Variants in ERMARD observed in about 807,000 individuals in gnomAD.
ERMARD encodes ER membrane associated RNA degradation, also known as endoplasmic reticulum membrane-associated RNA degradation protein.
Under a neutral mutation model 83.9 loss-of-function variants are expected in ERMARD, and 71 were observed. That is an observed-to-expected ratio of 0.85 (90% confidence interval 0.70 to 1.03). ERMARD has a LOEUF of 1.03. Among genes scored for constraint, ERMARD ranks in the 50% least tolerant of loss-of-function variants. ERMARD has a pLI of 0.00. For missense variants in ERMARD, 838 were observed against 810.9 expected (o/e 1.03, Z -0.41); for synonymous variants, 284 against 298.6 (o/e 0.95, Z 0.50).
intron 5 of ERMARD, among the ~76,000 whole-genome samples, chr6:169,757,848 G>A (rs1173714108): frequency 2.0e-5 from 3 of 152,202 alleles, no homozygotes; most frequent in African/African-American, 7.2e-5. Context: ...AAGATAAAAA[G>A]TACAAACCTC....
intron 16 of ERMARD, 30 bp downstream of exon 16, chr6:169,776,703 G>A (rs747233657): frequency 3.1e-6 from 5 of 1,608,840 alleles, no homozygotes; most frequent in South Asian, 1.1e-5. Flanking sequence ...TTTTGGAGGG[G>A]CACTGTGGGG....
chr6:169,757,877 A>G (rs1791015089), intron 5 of ERMARD, among the ~76,000 whole-genome samples: 1 of 152,258 alleles, frequency 6.6e-6, no homozygotes, highest in Non-Finnish European at 1.5e-5. Context: ...CTGAATTCTC[A>G]AACACATTTT....
rs1263524338 is a variant in ERMARD, at chr6:169,762,455, T to C, written c.884T>C (p.Leu295Pro). The stretch of plus-strand genomic sequence containing the variant: ...TTTGCTGACTGCGCCATATTGTTGC[T>C]GACACAACTGGAGACTGGACTTAGG... The part of the protein sequence containing the change: ...HRFADCAILL[L>P]TQLETGLRNV... Residue 295 changes from leucine (L) to proline (P), a missense_variant, in exon 9 of 18, where the codon CTG (leucine) becomes CCG (proline). Coordinates refer to ENST00000366773, the MANE Select transcript of ERMARD (RefSeq NM_018341.3). The C allele has an allele frequency of 6.2e-7, 1 of 1,614,078 alleles. No individual in the cohort carries two copies. Among genetic ancestry groups the C allele is most frequent in the African/African-American group, 1.3e-5 (1 of 74,944 alleles).
chr6:169,759,765 A>G, intron 6 of ERMARD, 73 bp from the exon 7 acceptor site: 1 of 1,388,400 alleles, frequency 7.2e-7, no homozygotes, highest in Non-Finnish European at 1.0e-6. Context: ...TTAAATTTGT[A>G]TTTTTCACAG....
At chr6:169,770,807 TTC>T (rs1379462968) in intron 12 of ERMARD, 1 of 151,400 alleles carries the variant, frequency 6.6e-6, no homozygotes, top group Admixed American at 6.6e-5. Flanking sequence ...TTATTTTCAT[TTC>T]TTTTTTTATG....
rs921263592 is a variant in ERMARD at position 169,776,760 on chromosome 6, C to T, written c.1739+87C>T. 2.1e-6 allele frequency: 3 copies of T among 1,448,976 alleles called. No homozygotes were observed. The Admixed American group carries it at 5.7e-5, about 28-fold the overall frequency. 89.8% of individuals were successfully genotyped at this position (1,448,976 alleles called of 1,614,324 possible). A position where few individuals can be genotyped will look rare whatever the true frequency, so the allele number is the denominator to read the frequency against. ...GTTCTAGTCCTCACTTCCAGACACA[C>T]ACAGTAGCCCCTCACTGAACCCCAT... On this transcript the variant is annotated intron_variant, in intron 16 of 17. Coordinates refer to ENST00000366773, the MANE Select transcript of ERMARD (RefSeq NM_018341.3).
At chr6:169,773,808 A>AT (rs779537141) in intron 13 of ERMARD, among the ~76,000 whole-genome samples, 1 of 152,148 alleles carries the variant, frequency 6.6e-6, no homozygotes, top group Non-Finnish European at 1.5e-5. Flanking sequence ...GAGACAAACA[A>AT]TTTTTTAAGT....
chr6:169,763,086 G>A (rs1791758831), intron 9 of ERMARD, among the ~76,000 whole-genome samples: 1 of 152,146 alleles, frequency 6.6e-6, no homozygotes, highest in Non-Finnish European at 1.5e-5. Flanking sequence ...CGCCCTGTCT[G>A]AGGCAAGCGT....
chr6:169,767,973 C>A, intron 10 of ERMARD, 130 bp from the exon 11 acceptor site: 1 of 678,870 alleles, frequency 1.5e-6, no homozygotes, highest in Non-Finnish European at 2.6e-6. Flanking sequence ...ATTTTAAAGA[C>A]TGTCCATTTA....
At chr6:169,762,781 TTC>T (rs1429030475) in intron 9 of ERMARD, among the ~76,000 whole-genome samples, 1 of 152,218 alleles carries the variant, frequency 6.6e-6, no homozygotes, top group Non-Finnish European at 1.5e-5. Flanking sequence ...TAGGCACTGG[TTC>T]TCTCTCTAGC....
At chr6:169,751,584 C>T (rs1585327712), upstream of ERMARD, 6 of 1,601,892 alleles carry the variant, frequency 3.7e-6, no homozygotes, top group East Asian at 4.5e-5. Flanking sequence ...CCCGCCAGGG[C>T]TCCAAAGCGC....
chr6:169,758,913 T>C (rs1791164134), intron 5 of ERMARD, 55 bp from the exon 6 acceptor site: 9 of 1,447,806 alleles, frequency 6.2e-6, no homozygotes, highest in Non-Finnish European at 8.7e-6. Context: ...CTTCATACTA[T>C]ATTGGTTTAT....
intron 6 of ERMARD, among the ~76,000 whole-genome samples, chr6:169,759,535 T>C (rs1791254144): frequency 6.6e-6 from 1 of 152,168 alleles, no homozygotes; most frequent in Non-Finnish European, 1.5e-5. Context: ...TCCTCCCGAC[T>C]CAGCCTCCTG....
chr6:169,752,865 G>A (rs1790318035), intron 1 of ERMARD, among the ~76,000 whole-genome samples: 1 of 152,194 alleles, frequency 6.6e-6, no homozygotes, highest in Admixed American at 6.5e-5. Context: ...GGCAGGGAAG[G>A]CTAAACTTTA....
At chr6:169,754,127 G>T in intron 2 of ERMARD, 95 bp downstream of exon 2, 1 of 1,202,440 alleles carries the variant, frequency 8.3e-7, no homozygotes. Flanking sequence ...GGTTCCTTTT[G>T]TTAGATAATG....
At chr6:169,780,061 G>A (rs184604425) in intron 17 of ERMARD, among the ~76,000 whole-genome samples, 167 of 152,302 alleles carry the variant, frequency 1.1e-3, no homozygotes, top group African/African-American at 3.5e-3. Flanking sequence ...TTAAATGAAC[G>A]TGAAAATACA....
Position 169,759,036 on chromosome 6 carries a change from G to A in ERMARD, c.576G>A (p.Gly192=), listed in dbSNP as rs1212518015. 5 of 1,613,948 alleles carry A rather than the reference G, an allele frequency of 3.1e-6. No homozygotes were observed. In the African/African-American group the frequency reaches 4.0e-5, roughly 13 times the overall value. ...ACCTGCGTAACGTCTTATGGCATGG[G>A]TTTGCGTCACCTGAAGAAATTCCTC... The part of the protein sequence containing the change: ...GLNLRNVLWH[G]FASPEEIPPK... Residue 192 remains glycine, a synonymous_variant, in exon 6 of 18, where the codon GGG becomes GGA. Transcript: ENST00000366773.
chr6:169,768,486 G>A (rs1253695398), intron 11 of ERMARD, among the ~76,000 whole-genome samples: 5 of 152,198 alleles, frequency 3.3e-5, no homozygotes, highest in Admixed American at 6.5e-5. Flanking sequence ...GGCCGGGTGC[G>A]GTGGCTCATG....
At chr6:169,767,905 A>G (rs1792421621) in intron 10 of ERMARD, 198 bp from the exon 11 acceptor site, 2 of 593,818 alleles carry the variant, frequency 3.4e-6, no homozygotes, top group Non-Finnish European at 6.0e-6. Context: ...AATTATTAAT[A>G]TAGTCTTAAA....
Sources: gnomAD v4.1 joint callset for allele counts (sites outside exome capture counted in the v4.1 genomes callset) on GRCh38, gnomAD v4.1.1 for gene constraint, MANE v1.5 for transcripts, NCBI Gene and HGNC (gene_info 2026-07-23, HGNC 2026-07-21) for gene names.